ZNF91: variants seen among roughly 807,000 people sequenced by gnomAD.
The protein encoded by ZNF91 is zinc finger protein 91 (HPF7, HTF10).
Under a neutral mutation model 12.6 loss-of-function variants are expected in ZNF91, and 7 were observed. That is an observed-to-expected ratio of 0.55 (90% CI 0.31 to 1.04). The LOEUF (loss-of-function observed/expected upper bound fraction) is 1.04, where lower values mean the gene tolerates loss of function less well. Among genes scored for constraint, ZNF91 ranks in the 50% least tolerant of loss-of-function variants. The pLI is 0.05. For missense variants in ZNF91, 1,217 were observed against 1,385.4 expected (o/e 0.88, Z 1.93); for synonymous variants, 453 against 462.6 (o/e 0.98, Z 0.27).
intron 1 of ZNF91, among the ~76,000 whole-genome samples, chr19:23,376,845 AT>A (rs921795634): frequency 2.6e-5 from 4 of 151,948 alleles, no homozygotes; most frequent in Non-Finnish European, 5.9e-5. Context: ...AAAAAAAGCC[AT>A]TTTTTCTCTT....
intron 1 of ZNF91, among the ~76,000 whole-genome samples, chr19:23,320,229 C>T (rs1220186796): frequency 6.6e-6 from 1 of 152,144 alleles, no homozygotes; most frequent in Non-Finnish European, 1.5e-5. Context: ...CACATGAGTA[C>T]TCTTCTATTT....
intron 1 of ZNF91, among the ~76,000 whole-genome samples, chr19:23,319,677 G>C (rs576897775): frequency 6.4e-4 from 98 of 152,302 alleles, no homozygotes; most frequent in African/African-American, 2.3e-3. Context: ...AGGTGGTGAG[G>C]CTCTTTTGAC....
chr19:23,363,981 T>A (rs573279243), intron 3 of ZNF91, among the ~76,000 whole-genome samples: 1 of 151,838 alleles, frequency 6.6e-6, no homozygotes, highest in African/African-American at 2.4e-5. Context: ...ATTTCAAAAG[T>A]CACAGACAAA....
rs1392093430 is a variant in ZNF91 at position 23,373,811 on chromosome 19, T to A, written c.184A>T (p.Ile62Phe). 3.7e-6 allele frequency: 6 copies of A among 1,610,868 alleles called. No homozygotes were observed. Among genetic ancestry groups the A allele is most frequent in the Non-Finnish European group, 5.1e-6 (6 of 1,178,294 alleles). The change falls in exon 3 of 4, where the codon ATT (isoleucine) becomes TTT (phenylalanine). Residue 62 changes from isoleucine (I) to phenylalanine (F), a missense_variant. Ile to Phe is a conservative substitution (Grantham distance 21). This residue lies in a region of ZNF91 where 726 missense variants were observed against 895.5 expected (regional missense o/e 0.81). Transcript: ENST00000300619. ...LGIALSKPDL[I>F]TYLEQGKEPW... Reference sequence around the variant, plus strand: ...TCTTTTCCTTGCTCCAGATAAGTAATCAGGTCTGGCTTAGAGAGAGCAATA... The same window carrying A: ...TCTTTTCCTTGCTCCAGATAAGTAAACAGGTCTGGCTTAGAGAGAGCAATA...
chr19:23,359,454 A>C lies in ZNF91; in HGVS notation c.3525T>G (p.Gly1175=), dbSNP rs765161248. 6.6e-7 allele frequency: 1 copy of C among 1,512,330 alleles called. No individual in the cohort carries two copies. Among genetic ancestry groups the C allele is most frequent in the South Asian group, 1.1e-5 (1 of 88,408 alleles). The allele number at this position is 1,512,330 out of a possible 1,614,324, so 93.7% of individuals were successfully genotyped here. A position where few individuals can be genotyped will look rare whatever the true frequency, so the allele number is the denominator to read the frequency against. Reference sequence around the variant, plus strand: ...TAGCCAGGATGGTCTCCATCTCCTGACCTCGTGATCCGCCCGCCTCGGCCT... The same window carrying C: ...TAGCCAGGATGGTCTCCATCTCCTGCCCTCGTGATCCGCCCGCCTCGGCCT... ...LWEAEAGGSR[G]QEMETILANT... is the part of the protein sequence containing the mutation. The change falls in exon 4 of 4, where the codon GGT becomes GGG. Residue 1175 remains glycine, a synonymous_variant. Transcript: ENST00000300619.
downstream of ZNF91, chr19:23,337,814 A>G (rs1267151850): frequency 6.6e-6 from 1 of 152,154 alleles, no homozygotes; most frequent in Non-Finnish European, 1.5e-5. Flanking sequence ...CTTTTAATAG[A>G]AACTGAAACA....
At chr19:23,354,074 C>T (rs1968429515), downstream of ZNF91, among the ~76,000 whole-genome samples, 2 of 151,996 alleles carry the variant, frequency 1.3e-5, no homozygotes, top group African/African-American at 4.8e-5. Context: ...AAGGAGGAAC[C>T]CTCCCTAATT....
chr19:23,323,155 C>CCTCCT (rs142690290), intron 1 of ZNF91, among the ~76,000 whole-genome samples: 26,488 of 146,386 alleles, frequency 0.18, 2,636 homozygotes, highest in Non-Finnish European at 0.21. Flanking sequence ...CTTCGCCTCT[C>CCTCCT]CTCCTCTCCA....
chr19:23,385,373 G>A, intron 1 of ZNF91: 1 of 343,810 alleles, frequency 2.9e-6, no homozygotes, highest in Non-Finnish European at 5.2e-6. Context: ...AAGGGCTTCT[G>A]AAGCTGTATT....
At chr19:23,356,972 G>A (rs1256247415), downstream of ZNF91, among the ~76,000 whole-genome samples, 1 of 152,102 alleles carries the variant, frequency 6.6e-6, no homozygotes, top group African/African-American at 2.4e-5. Flanking sequence ...GCTCACGCCT[G>A]TAATCCAGCA....
At chr19:23,312,847 C>T (rs1967493862), upstream of ZNF91, among the ~76,000 whole-genome samples, 1 of 152,310 alleles carries the variant, frequency 6.6e-6, no homozygotes, top group East Asian at 1.9e-4. Context: ...ACCAAGTCGA[C>T]AGAAAAGATT....
At chr19:23,312,870 C>T (rs1440606901), upstream of ZNF91, among the ~76,000 whole-genome samples, 2 of 152,198 alleles carry the variant, frequency 1.3e-5, no homozygotes, top group Non-Finnish European at 2.9e-5. Context: ...CATCTTCCCA[C>T]ATGAACACAG....
downstream of ZNF91, among the ~76,000 whole-genome samples, chr19:23,355,598 T>C (rs1379656836): frequency 6.6e-6 from 1 of 151,954 alleles, no homozygotes; most frequent in Admixed American, 6.6e-5. Context: ...CAAAGATAAA[T>C]AGCTGGGACC....
chr19:23,309,551 T>A (rs1426604660), intron 1 of ZNF91, among the ~76,000 whole-genome samples: 1 of 152,174 alleles, frequency 6.6e-6, no homozygotes, highest in African/African-American at 2.4e-5. Context: ...GTCCCTTCTT[T>A]CAGAAAAGTT....
At chr19:23,357,280 TAAAC>T (rs1968515310), downstream of ZNF91, among the ~76,000 whole-genome samples, 4 of 152,016 alleles carry the variant, frequency 2.6e-5, no homozygotes, top group Non-Finnish European at 5.9e-5. Flanking sequence ...AAAAACCTAT[TAAAC>T]AACAACAACA....
At chr19:23,344,679 T>A (rs1170863970) in intron 3 of ZNF91, among the ~76,000 whole-genome samples, 1 of 152,182 alleles carries the variant, frequency 6.6e-6, no homozygotes, top group Non-Finnish European at 1.5e-5. Context: ...CTTTTCTCCC[T>A]CACTGATATC....
intron 1 of ZNF91, chr19:23,325,818 T>G (rs1206856568): frequency 2.6e-5 from 4 of 152,348 alleles, no homozygotes; most frequent in African/African-American, 9.6e-5. Context: ...TCTCTACTGC[T>G]GTTTATCTTC....
At chr19:23,316,431 C>A (rs1237488163) in intron 1 of ZNF91, among the ~76,000 whole-genome samples, 1 of 152,198 alleles carries the variant, frequency 6.6e-6, no homozygotes, top group Non-Finnish European at 1.5e-5. Flanking sequence ...AGCATTTTGA[C>A]ATATTGCTGG....
intron 1 of ZNF91, among the ~76,000 whole-genome samples, chr19:23,392,752 T>C (rs1970107199): frequency 6.6e-6 from 1 of 151,912 alleles, no homozygotes; most frequent in Middle Eastern, 3.4e-3. Flanking sequence ...TGAGCTGAGA[T>C]CACACCATTG....
Sources: gnomAD v4.1 joint callset for allele counts (sites outside exome capture counted in the v4.1 genomes callset) on GRCh38, gnomAD v4.1.1 for gene constraint, gnomAD v4.1.1 regional missense constraint, MANE v1.5 for transcripts, NCBI Gene and HGNC (gene_info 2026-07-23, HGNC 2026-07-21) for gene names.